TMEM132D: variants seen among roughly 807,000 people sequenced by gnomAD.
TMEM132D encodes transmembrane protein 132D.
In TMEM132D, 21 loss-of-function variants were observed where a neutral mutation model predicts 62.3. The observed-to-expected ratio is 0.34, with a 90% CI of 0.24 to 0.49. The LOEUF is 0.49. TMEM132D is among the 20% of genes least tolerant of loss of function. TMEM132D has a pLI of 0.99. For missense variants in TMEM132D, 1,346 were observed against 1,402.8 expected, an observed-to-expected ratio of 0.96 and a Z score of 0.65; for synonymous variants, 621 against 575.6, an observed-to-expected ratio of 1.08 and a Z score of -1.13.
At chr12:129,761,683 C>T (rs977288221) in intron 1 of TMEM132D, among the ~76,000 whole-genome samples, 1 of 152,210 alleles carries the variant, frequency 6.6e-6, no homozygotes, top group African/African-American at 2.4e-5. Flanking sequence ...AGTATTCCCA[C>T]GCGGTCTGCT....
At position 129,513,488 on chromosome 12, in the gene TMEM132D, T is replaced by TG. The variant is rs1875554913; in HGVS notation, c.1115+17570dup. Among the ~76,000 whole-genome samples the TG allele has an allele frequency of 3.3e-5, 5 of 152,006 alleles. No individual in the cohort carries two copies. In the South Asian group the frequency reaches 1.0e-3, roughly 32 times the overall value. ...GGAAAAAAACAAAAACAGGTTTGTT[T>TG]GTTTGTTTGTTTTTGAGACAGAGTC... On this transcript the variant is annotated intron_variant, in intron 3 of 8. Coordinates refer to ENST00000422113, the MANE Select transcript of TMEM132D (RefSeq NM_133448.3).
chr12:129,163,705 T>C (rs933242961), intron 5 of TMEM132D, among the ~76,000 whole-genome samples: 6 of 152,230 alleles, frequency 3.9e-5, no homozygotes, highest in Admixed American at 3.9e-4. Context: ...GGGGTGTTAA[T>C]GGCTTCCCAT....
intron 2 of TMEM132D, among the ~76,000 whole-genome samples, chr12:129,546,782 C>T (rs751275663): frequency 6.7e-6 from 1 of 150,364 alleles, no homozygotes; most frequent in Non-Finnish European, 1.5e-5. Context: ...GCCTGGGCAA[C>T]AGAGCGATAC....
intron 1 of TMEM132D, among the ~76,000 whole-genome samples, chr12:129,848,904 C>T (rs1873445677): frequency 6.6e-6 from 1 of 152,168 alleles, no homozygotes; most frequent in East Asian, 1.9e-4. Flanking sequence ...TTCCTCTTTG[C>T]TTCCCTCAAC....
At chr12:129,270,998 C>G (rs1170521588) in intron 4 of TMEM132D, among the ~76,000 whole-genome samples, 1 of 152,218 alleles carries the variant, frequency 6.6e-6, no homozygotes, top group Non-Finnish European at 1.5e-5. Flanking sequence ...CCTGTGACGG[C>G]TGCCTCAAAG....
intron 3 of TMEM132D, among the ~76,000 whole-genome samples, chr12:129,445,658 G>C (rs1367150147): frequency 6.6e-6 from 1 of 152,046 alleles, no homozygotes; most frequent in African/African-American, 2.4e-5. Context: ...AATTTTCCAG[G>C]TCATGGGTTC....
chr12:129,344,249 TA>T (rs1250076006), intron 3 of TMEM132D, among the ~76,000 whole-genome samples: 1 of 152,084 alleles, frequency 6.6e-6, no homozygotes, highest in Non-Finnish European at 1.5e-5. Context: ...TCCTGTAACA[TA>T]TTTCTGGTGA....
intron 2 of TMEM132D, among the ~76,000 whole-genome samples, chr12:129,634,333 G>A (rs117438521): frequency 0.015 from 2,312 of 152,006 alleles, 71 homozygotes; most frequent in South Asian, 0.13. Context: ...AATTAGCGGG[G>A]TATGGTGGCC....
intron 3 of TMEM132D, among the ~76,000 whole-genome samples, chr12:129,501,589 T>C (rs1875142528): frequency 1.3e-5 from 2 of 152,028 alleles, no homozygotes; most frequent in African/African-American, 4.8e-5. Context: ...ATTGCAACCT[T>C]GACGTCCCTA....
At chr12:129,524,850 T>G (rs1181139521) in intron 3 of TMEM132D, among the ~76,000 whole-genome samples, 1 of 151,200 alleles carries the variant, frequency 6.6e-6, no homozygotes, top group African/African-American at 2.4e-5. Flanking sequence ...TGAGACTCCG[T>G]CTCAAAAGAA....
At chr12:129,679,427 A>C (rs1880725899) in intron 2 of TMEM132D, among the ~76,000 whole-genome samples, 1 of 152,140 alleles carries the variant, frequency 6.6e-6, no homozygotes, top group Non-Finnish European at 1.5e-5. Context: ...AAGAAATAAA[A>C]AACAAAAATC....
chr12:129,480,765 C>T (rs1021082729), intron 3 of TMEM132D, among the ~76,000 whole-genome samples: 5 of 152,140 alleles, frequency 3.3e-5, no homozygotes, highest in African/African-American at 1.2e-4. Context: ...AGCTCTTCTG[C>T]GTTGCTGTTG....
At chr12:129,367,529 G>A (rs1026072377) in intron 3 of TMEM132D, among the ~76,000 whole-genome samples, 4 of 152,260 alleles carry the variant, frequency 2.6e-5, no homozygotes, top group South Asian at 4.2e-4. Context: ...TGGGGAATAC[G>A]ACACTGGTGT....
chr12:129,729,349 T>C (rs1869142150), intron 1 of TMEM132D, among the ~76,000 whole-genome samples: 1 of 152,220 alleles, frequency 6.6e-6, no homozygotes, highest in Non-Finnish European at 1.5e-5. Flanking sequence ...TTTGACCAGA[T>C]AATTATTTGT....
At chr12:129,389,681 G>A (rs1871243071) in intron 3 of TMEM132D, among the ~76,000 whole-genome samples, 2 of 152,214 alleles carry the variant, frequency 1.3e-5, no homozygotes, top group South Asian at 4.1e-4. Flanking sequence ...TAACAGTCAT[G>A]CCATGTTATA....
intron 5 of TMEM132D, among the ~76,000 whole-genome samples, chr12:129,100,126 C>T (rs1243076018): frequency 1.3e-5 from 2 of 152,174 alleles, no homozygotes; most frequent in African/African-American, 4.8e-5. Flanking sequence ...CTGCAACCTC[C>T]ACCTCTCCGG....
intron 4 of TMEM132D, among the ~76,000 whole-genome samples, chr12:129,211,373 C>T (rs1051974571): frequency 5.9e-5 from 9 of 152,108 alleles, no homozygotes; most frequent in Admixed American, 2.0e-4. Flanking sequence ...GTTATTCAAT[C>T]GCTTTATTTT....
intron 3 of TMEM132D, among the ~76,000 whole-genome samples, chr12:129,359,562 T>G (rs1003681392): frequency 2.0e-5 from 3 of 152,206 alleles, no homozygotes; most frequent in African/African-American, 7.2e-5. Flanking sequence ...GAAAAGAATA[T>G]GCAGCATAAA....
At chr12:129,532,499 C>T (rs1876258638) in intron 2 of TMEM132D, among the ~76,000 whole-genome samples, 2 of 152,168 alleles carry the variant, frequency 1.3e-5, no homozygotes, top group African/African-American at 2.4e-5. Flanking sequence ...TCCCTAACAC[C>T]AACAACGCTA....
Sources: allele counts gnomAD v4.1 joint callset (sites outside exome capture counted in the v4.1 genomes callset), GRCh38; gene constraint gnomAD v4.1.1; transcripts MANE v1.5; gene names NCBI Gene and HGNC (gene_info 2026-07-23, HGNC 2026-07-21).